The following PARD3B variants were observed in gnomAD, a reference collection of about 807,000 sequenced individuals.
PARD3B encodes the protein partitioning defective 3 homolog B.
Under a neutral mutation model 130.2 loss-of-function variants are expected in PARD3B, and 103 were observed. The ratio of observed to expected loss-of-function variants is 0.79; its 90% CI spans 0.67 to 0.93. The LOEUF (loss-of-function observed/expected upper bound fraction) is 0.93. Ranked by LOEUF, PARD3B falls within the 40% of genes least tolerant of loss-of-function variation. The pLI is 0.00. For missense variants in PARD3B, 1,609 were observed against 1,499.2 expected, an observed-to-expected ratio of 1.07 and a Z score of -1.21; for synonymous variants, 583 against 553.2, an observed-to-expected ratio of 1.05 and a Z score of -0.76.
intron 22 of PARD3B, among the ~76,000 whole-genome samples, chr2:205,583,072 G>A (rs1190324536): frequency 3.3e-5 from 5 of 152,214 alleles, no homozygotes; most frequent in African/African-American, 1.2e-4. Flanking sequence ...TCTTGATTTA[G>A]GGAGATTCAG....
At chr2:204,939,827 CA>C (rs1487947663) in intron 2 of PARD3B, among the ~76,000 whole-genome samples, 3 of 152,122 alleles carry the variant, frequency 2.0e-5, no homozygotes, top group African/African-American at 7.2e-5. Context: ...GTATAATAGT[CA>C]AAAATGTTTC....
At chr2:204,794,301 A>T (rs191497633) in intron 2 of PARD3B, among the ~76,000 whole-genome samples, 3 of 152,234 alleles carry the variant, frequency 2.0e-5, no homozygotes, top group Non-Finnish European at 4.4e-5. Context: ...GAATTATATT[A>T]TTACAAGATT....
At chr2:205,168,316 A>AGTGTGTGT (rs200083729) in intron 11 of PARD3B, among the ~76,000 whole-genome samples, 3,636 of 142,624 alleles carry the variant, frequency 0.025, 45 homozygotes, top group Middle Eastern at 0.091. Flanking sequence ...AGAGAGAGAG[A>AGTGTGTGT]GAGAGTGTGT....
At chr2:205,110,632 T>C (rs11676542) in intron 5 of PARD3B, among the ~76,000 whole-genome samples, 1 of 117,438 alleles carries the variant, frequency 8.5e-6, no homozygotes, top group African/African-American at 3.0e-5. Flanking sequence ...TTTCTGTTTT[T>C]TGTTTTTTGT....
At chr2:205,001,038 G>C (rs1184626713) in intron 3 of PARD3B, among the ~76,000 whole-genome samples, 1 of 152,116 alleles carries the variant, frequency 6.6e-6, no homozygotes, top group East Asian at 1.9e-4. Flanking sequence ...TGCCCAGGCT[G>C]AATGCAATGG....
chr2:205,455,928 A>G (rs2048259730), intron 20 of PARD3B, among the ~76,000 whole-genome samples: 1 of 151,620 alleles, frequency 6.6e-6, no homozygotes, highest in African/African-American at 2.4e-5. Context: ...CCCTCATACT[A>G]CTCCTTTACA....
At chr2:205,051,801 G>C (rs917560934) in intron 4 of PARD3B, among the ~76,000 whole-genome samples, 38 of 152,182 alleles carry the variant, frequency 2.5e-4, no homozygotes, top group Non-Finnish European at 4.9e-4. Context: ...TGTATATTGA[G>C]AAGCCACTAA....
chr2:205,194,907 G>T (rs891182876), intron 15 of PARD3B, among the ~76,000 whole-genome samples: 1 of 150,236 alleles, frequency 6.7e-6, no homozygotes, highest in Non-Finnish European at 1.5e-5. Flanking sequence ...CCTCAGCCTC[G>T]CAAGTAGCTT....
intron 3 of PARD3B, among the ~76,000 whole-genome samples, chr2:205,029,329 A>G (rs1411406875): frequency 6.6e-6 from 1 of 152,088 alleles, no homozygotes; most frequent in Non-Finnish European, 1.5e-5. Context: ...CGAGAGACAT[A>G]ACCTCTTCTG....
chr2:204,927,724 TC>T (rs1407917833), intron 2 of PARD3B, among the ~76,000 whole-genome samples: 5 of 152,204 alleles, frequency 3.3e-5, no homozygotes, highest in African/African-American at 1.2e-4. Flanking sequence ...CATGACTTTT[TC>T]TGTAGCCCAT....
At chr2:205,466,602 C>T (rs1026951535) in intron 20 of PARD3B, among the ~76,000 whole-genome samples, 1 of 151,984 alleles carries the variant, frequency 6.6e-6, no homozygotes, top group Non-Finnish European at 1.5e-5. Flanking sequence ...CCCAGTGTAC[C>T]CCATTCACTT....
In PARD3B at chr2:205,172,194, C is replaced by T. The variant is rs736320; in HGVS notation, c.1621-17C>T. ...ACTTTTCTCTGTTGAATATTGTTTT[C>T]CTTTCTTCTGCCTTAGGATGGTCGT... is the stretch of plus-strand genomic sequence containing the variant. On this transcript the variant is annotated splice_polypyrimidine_tract_variant and intron_variant, in intron 11 of 22. Transcript: ENST00000406610. 0.75 allele frequency: 1,212,220 copies of T among 1,610,734 alleles called. 458,545 individuals carry two copies. The highest frequency in any genetic ancestry group is 0.81 in the African/African-American group (60,360 of 74,906).
At chr2:205,546,948 T>C (rs1462934183) in intron 21 of PARD3B, among the ~76,000 whole-genome samples, 1 of 152,158 alleles carries the variant, frequency 6.6e-6, no homozygotes, top group Non-Finnish European at 1.5e-5. Flanking sequence ...TTAAAATATG[T>C]ATGTGTTTAT....
intron 2 of PARD3B, among the ~76,000 whole-genome samples, chr2:204,776,200 A>T (rs543525224): frequency 6.6e-6 from 1 of 152,320 alleles, no homozygotes; most frequent in Non-Finnish European, 1.5e-5. Flanking sequence ...CTGAGATAGG[A>T]TTCTATAGAT....
chr2:205,387,681 T>C (rs1461758000), intron 18 of PARD3B, among the ~76,000 whole-genome samples: 1 of 152,194 alleles, frequency 6.6e-6, no homozygotes, highest in Non-Finnish European at 1.5e-5. Flanking sequence ...AATATGACTG[T>C]AATGTTTGTA....
intron 3 of PARD3B, among the ~76,000 whole-genome samples, chr2:204,986,002 G>A (rs922554550): frequency 6.7e-6 from 1 of 149,760 alleles, no homozygotes; most frequent in African/African-American, 2.5e-5. Context: ...TCAGGAGGCT[G>A]AGGCAGGAGA....
chr2:204,598,163 C>G (rs1395713860), intron 1 of PARD3B, among the ~76,000 whole-genome samples: 1 of 152,110 alleles, frequency 6.6e-6, no homozygotes, highest in African/African-American at 2.4e-5. Flanking sequence ...ACTGTCATCT[C>G]TACGTAGATT....
intron 18 of PARD3B, among the ~76,000 whole-genome samples, chr2:205,374,013 A>G (rs1038023081): frequency 6.6e-6 from 1 of 152,160 alleles, no homozygotes; most frequent in Non-Finnish European, 1.5e-5. Context: ...AGAGCACACA[A>G]TAACTGTCAG....
chr2:205,310,609 G>A (rs889411681), intron 18 of PARD3B, among the ~76,000 whole-genome samples: 8 of 151,662 alleles, frequency 5.3e-5, no homozygotes, highest in African/African-American at 1.9e-4. Context: ...TCTGTGTCTG[G>A]CTTATTTCAC....
Sources: gnomAD v4.1 joint callset for allele counts (sites outside exome capture counted in the v4.1 genomes callset) on GRCh38, gnomAD v4.1.1 for gene constraint, MANE v1.5 for transcripts, NCBI Gene and HGNC (gene_info 2026-07-23, HGNC 2026-07-21) for gene names.